The following CLMN variants were observed in gnomAD, a reference collection of about 807,000 sequenced individuals.
CLMN encodes calmin.
Under a neutral mutation model 92.7 loss-of-function variants are expected in CLMN, and 57 were observed. That is an observed-to-expected ratio of 0.61 (90% CI 0.50 to 0.77). The LOEUF (loss-of-function observed/expected upper bound fraction) is 0.77, where lower values mean the gene tolerates loss of function less well. Ranked by LOEUF, CLMN falls within the 30% of genes least tolerant of loss-of-function variation. The pLI, the probability that CLMN is intolerant of heterozygous loss-of-function variation, is 0.00. For synonymous variants in CLMN, 466 were observed against 470.6 expected, an observed-to-expected ratio of 0.99 and a Z score of 0.13; for missense variants, 1,158 against 1,237.5, an observed-to-expected ratio of 0.94 and a Z score of 0.96.
intron 11 of CLMN, 51 bp from the exon 12 acceptor site, chr14:95,193,970 G>A (rs1256053649): frequency 1.3e-6 from 2 of 1,598,984 alleles, no homozygotes; most frequent in Admixed American, 1.8e-5. Context: ...TAGTAAAGAT[G>A]AAATCTCTGA....
At chr14:95,292,428 T>TCCCCCCCCCCCC (rs1263766978) in intron 1 of CLMN, among the ~76,000 whole-genome samples, 458 of 74,050 alleles carry the variant, frequency 6.2e-3, no homozygotes, top group Admixed American at 7.6e-3. Context: ...CCCCCAAGGG[T>TCCCCCCCCCCCC]CCCCCACCCC....
chr14:95,213,384 C>G lies in CLMN; in HGVS notation c.443G>C (p.Ser148Thr), dbSNP rs762219190. The change falls in exon 6 of 13, where the codon AGC (serine) becomes ACC (threonine). Residue 148 changes from serine to threonine, a missense_variant. Ser to Thr is a moderately conservative substitution (Grantham distance 58). Coordinates refer to ENST00000298912, the MANE Select transcript of CLMN (RefSeq NM_024734.4). ...CAAGCTGGAAGATGGAGAGTTTCTG[C>G]TGAGGTTGCCTGTGAGCTCCTTAAT... Reference protein sequence around the residue: ...FQIKELTGNLSRNSPSSSLSP... With the variant: ...FQIKELTGNLTRNSPSSSLSP... The G allele has an allele frequency of 6.2e-7, 1 of 1,609,800 alleles. No homozygotes were observed. Among genetic ancestry groups the G allele is most frequent in the South Asian group, 1.1e-5 (1 of 90,486 alleles).
chr14:95,253,711 C>T (rs551618186), intron 1 of CLMN, among the ~76,000 whole-genome samples: 42 of 151,392 alleles, frequency 2.8e-4, no homozygotes, highest in African/African-American at 1.0e-3. Flanking sequence ...CTCCCGGGTT[C>T]ACGCCATTCT....
intron 1 of CLMN, among the ~76,000 whole-genome samples, chr14:95,270,657 AG>A (rs138843825): frequency 0.1 from 15,553 of 152,278 alleles, 978 homozygotes; most frequent in African/African-American, 0.17. Context: ...TTTTTATTGC[AG>A]ATTAATATTC....
chr14:95,272,088 T>C (rs1047252506), intron 1 of CLMN, among the ~76,000 whole-genome samples: 1 of 152,120 alleles, frequency 6.6e-6, no homozygotes. Flanking sequence ...ATATAAACAT[T>C]TGAATGGAGA....
intron 1 of CLMN, among the ~76,000 whole-genome samples, chr14:95,271,354 C>A (rs542873019): frequency 6.6e-6 from 1 of 152,128 alleles, no homozygotes; most frequent in African/African-American, 2.4e-5. Context: ...TTATTCTGAA[C>A]GATTCAGTCC....
intron 1 of CLMN, among the ~76,000 whole-genome samples, chr14:95,247,434 G>A (rs1290171467): frequency 6.6e-6 from 1 of 152,244 alleles, no homozygotes; most frequent in African/African-American, 2.4e-5. Flanking sequence ...GCCGCATGGT[G>A]CCATCAGGCA....
rs763309158 is a variant in CLMN, at chr14:95,230,036, A to G, written c.144+36T>C. Reference sequence around the variant, plus strand: ...GAACTGTAAATTCAGTTACAGATGAATCTATCACTTAGCAAACACCCAAGT... The same window carrying G: ...GAACTGTAAATTCAGTTACAGATGAGTCTATCACTTAGCAAACACCCAAGT... On this transcript the variant is annotated intron_variant, in intron 2 of 12. Coordinates refer to ENST00000298912, the MANE Select transcript of CLMN (RefSeq NM_024734.4). 5 of 1,594,426 alleles carry G rather than the reference A, an allele frequency of 3.1e-6. No homozygotes were observed. The East Asian group carries it at 1.1e-4, about 36-fold the overall frequency.
chr14:95,258,507 T>C (rs1899106324), intron 1 of CLMN, among the ~76,000 whole-genome samples: 1 of 149,982 alleles, frequency 6.7e-6, no homozygotes, highest in Admixed American at 6.6e-5. Flanking sequence ...GTTGAGGGTG[T>C]GTATGTGTGG....
chr14:95,216,963 A>G (rs906456747), intron 4 of CLMN, among the ~76,000 whole-genome samples: 9 of 152,168 alleles, frequency 5.9e-5, no homozygotes, highest in African/African-American at 2.2e-4. Flanking sequence ...GGGTTTGAGG[A>G]TCACTGCCCT....
At chr14:95,216,977 T>A (rs1381832990) in intron 4 of CLMN, among the ~76,000 whole-genome samples, 2 of 152,138 alleles carry the variant, frequency 1.3e-5, no homozygotes, top group African/African-American at 4.8e-5. Context: ...CTGCCCTAAG[T>A]CATCAGTTCA....
In CLMN at chr14:95,314,107, A is replaced by C. The variant is rs1376129339; in HGVS notation, c.82+5604T>G. Among the ~76,000 whole-genome samples, 111 of 152,292 alleles carry C rather than the reference A, an allele frequency of 7.3e-4. 1 individual carries two copies. Among genetic ancestry groups the C allele is most frequent in the African/African-American group, 2.5e-3 (105 of 41,558 alleles). Reference sequence around the variant, plus strand: ...TCCCTGCTGCAAAGCCATTTGTGAGATGGGCTTCTGTTTTACCTGGCCCCT... The same window carrying C: ...TCCCTGCTGCAAAGCCATTTGTGAGCTGGGCTTCTGTTTTACCTGGCCCCT... On this transcript the variant is annotated intron_variant, in intron 1 of 12. Transcript: ENST00000298912.
At chr14:95,210,963 G>A (rs1270635764) in intron 6 of CLMN, 84 bp from the exon 7 acceptor site, 6 of 1,401,928 alleles carry the variant, frequency 4.3e-6, no homozygotes, top group Admixed American at 2.7e-5. Flanking sequence ...GCAGCCGCGT[G>A]AGTTTTTGAG....
chr14:95,191,738 G>T lies in CLMN; in HGVS notation c.2841-6C>A. ...CTCCTGAGCTGTTGGCCTTCCTACA[G>T]AAGAAACACAGAGGAAACGCAGTTA... On this transcript the variant is annotated splice_polypyrimidine_tract_variant and splice_region_variant and intron_variant, in intron 12 of 12. Transcript: ENST00000298912. The surrounding 1 kb of genome is among the most constrained non-coding windows in gnomAD (Gnocchi z 5.3). The T allele has an allele frequency of 6.2e-7, 1 of 1,600,648 alleles. No homozygotes were observed.
At chr14:95,232,586 C>T (rs1199697045) in intron 1 of CLMN, among the ~76,000 whole-genome samples, 1 of 152,194 alleles carries the variant, frequency 6.6e-6, no homozygotes, top group Non-Finnish European at 1.5e-5. Context: ...GGGAGGGTCA[C>T]TGGCTAATAG....
intron 5 of CLMN, among the ~76,000 whole-genome samples, chr14:95,215,287 G>A (rs1428069891): frequency 6.6e-6 from 1 of 152,100 alleles, no homozygotes; most frequent in Non-Finnish European, 1.5e-5. Context: ...CACCTCTAAG[G>A]AACACTGAGT....
At chr14:95,319,585 G>A in intron 1 of CLMN, 126 bp downstream of exon 1, 8 of 777,204 alleles carry the variant, frequency 1.0e-5, no homozygotes, top group Non-Finnish European at 1.6e-5. Context: ...CCCACCTCGA[G>A]GCAAGTGACA....
intron 1 of CLMN, among the ~76,000 whole-genome samples, chr14:95,311,616 T>C (rs940877395): frequency 6.6e-6 from 1 of 151,928 alleles, no homozygotes; most frequent in Non-Finnish European, 1.5e-5. Context: ...GGGAACCAAA[T>C]AAAAAGAGGG....
intron 1 of CLMN, among the ~76,000 whole-genome samples, chr14:95,290,950 T>C (rs1212659857): frequency 6.6e-6 from 1 of 152,154 alleles, no homozygotes; most frequent in African/African-American, 2.4e-5. Flanking sequence ...GCTCCTGTGC[T>C]TGCAGCAGAG....
Sources: gnomAD v4.1 joint callset for allele counts (sites outside exome capture counted in the v4.1 genomes callset) on GRCh38, gnomAD v4.1.1 for gene constraint, Gnocchi (gnomAD v3.1) non-coding constraint, MANE v1.5 for transcripts, NCBI Gene and HGNC (gene_info 2026-07-23, HGNC 2026-07-21) for gene names.